Variants in BSDC1 observed in about 807,000 individuals in gnomAD.
BSDC1 encodes the protein BSD domain-containing protein 1.
In BSDC1, 29 loss-of-function variants were observed where a neutral mutation model predicts 56.0. That is an observed-to-expected ratio of 0.52 (90% CI 0.39 to 0.71). The LOEUF (loss-of-function observed/expected upper bound fraction) is 0.71, where lower values mean the gene tolerates loss of function less well. BSDC1 is among the 30% of genes least tolerant of loss of function. BSDC1 has a pLI of 0.00. For synonymous variants in BSDC1, 210 were observed against 215.3 expected (o/e 0.98, Z 0.21); for missense variants, 477 against 548.5 (o/e 0.87, Z 1.30).
At chr1:32,376,931 G>C (rs982296353) in intron 8 of BSDC1, among the ~76,000 whole-genome samples, 190 bp from the exon 9 acceptor site, 1 of 152,142 alleles carries the variant, frequency 6.6e-6, no homozygotes, top group African/African-American at 2.4e-5. Context: ...AGGAGTTTTT[G>C]AGACCAGCCT....
At chr1:32,386,298 G>C (rs776511538) in intron 3 of BSDC1, 1 of 132,666 alleles carries the variant, frequency 7.5e-6, no homozygotes, top group Admixed American at 9.0e-5. Context: ...CAGCCTGGGC[G>C]ACAGATGGAG....
chr1:32,371,640 A>C (rs1227236022), intron 9 of BSDC1, among the ~76,000 whole-genome samples: 2 of 151,968 alleles, frequency 1.3e-5, no homozygotes, highest in Admixed American at 1.3e-4. Context: ...ACCTTTAAAA[A>C]GAGTGGGTCC....
At chr1:32,382,703 A>T (rs1642525473) in intron 4 of BSDC1, among the ~76,000 whole-genome samples, 1 of 149,906 alleles carries the variant, frequency 6.7e-6, no homozygotes, top group Non-Finnish European at 1.5e-5. Context: ...GCTACAAAAA[A>T]AAAAAAAAAA....
chr1:32,368,663 CTT>C, intron 9 of BSDC1, 113 bp from the exon 10 acceptor site: 5 of 1,433,394 alleles, frequency 3.5e-6, no homozygotes, highest in Non-Finnish European at 4.7e-6. Context: ...ATACACAAGT[CTT>C]TACATTTTGT....
intron 2 of BSDC1, 120 bp downstream of exon 2, chr1:32,393,960 C>T: frequency 1.1e-6 from 1 of 930,706 alleles, no homozygotes; most frequent in Non-Finnish European, 1.6e-6. Flanking sequence ...AAGAAAGGCC[C>T]AGGTCAGCCT....
At chr1:32,377,715 A>G (rs1255969803) in intron 8 of BSDC1, among the ~76,000 whole-genome samples, 1 of 151,878 alleles carries the variant, frequency 6.6e-6, no homozygotes. Context: ...CCAGTGACTA[A>G]GCGGCAGCTG....
intron 8 of BSDC1, among the ~76,000 whole-genome samples, chr1:32,377,143 A>G (rs1293796939): frequency 6.6e-6 from 1 of 151,506 alleles, no homozygotes; most frequent in Non-Finnish European, 1.5e-5. Flanking sequence ...CTCAAAACGA[A>G]AAAAAAAAGA....
intron 2 of BSDC1, 96 bp downstream of exon 2, chr1:32,393,984 T>C: frequency 1.5e-6 from 2 of 1,304,042 alleles, no homozygotes; most frequent in African/African-American, 1.5e-5. Flanking sequence ...CCTTGAGACT[T>C]AGCGCCCGCA....
At chr1:32,380,157 T>C (rs1402729624) in intron 5 of BSDC1, among the ~76,000 whole-genome samples, 1 of 152,208 alleles carries the variant, frequency 6.6e-6, no homozygotes, top group Non-Finnish European at 1.5e-5. Flanking sequence ...TCCAACTGCC[T>C]GGTCTGGCAC....
chr1:32,368,700 C>CTTTT (rs112555694), intron 9 of BSDC1, 150 bp from the exon 10 acceptor site: 1 of 960,086 alleles, frequency 1.0e-6, no homozygotes, highest in South Asian at 2.1e-5. Flanking sequence ...ACCAATCGTA[C>CTTTT]TTTTTTTTTT....
At chr1:32,369,747 C>T (rs1642000863) in intron 9 of BSDC1, among the ~76,000 whole-genome samples, 1 of 152,212 alleles carries the variant, frequency 6.6e-6, no homozygotes, top group Non-Finnish European at 1.5e-5. Flanking sequence ...CCTACACTGA[C>T]CATCCTAGTT....
In BSDC1 at chr1:32,369,256, C is replaced by T. The variant is rs1219534974; in HGVS notation, c.1157-706G>A. ...TCGGAAAAGGCAGGTTACTAAAGAG[C>T]GGAGAAGCACTTTGGCCCAGAGGCT... On this transcript the variant is annotated intron_variant, in intron 9 of 10. Transcript: ENST00000455895. 46 of 1,289,404 alleles carry T rather than the reference C, an allele frequency of 3.6e-5. No homozygotes were observed. In the East Asian group the frequency reaches 6.7e-4, roughly 19 times the overall value. 79.9% of individuals were successfully genotyped at this position (1,289,404 alleles called of 1,614,324 possible).
chr1:32,387,631 C>T (rs1254602737), intron 2 of BSDC1, among the ~76,000 whole-genome samples: 2 of 152,158 alleles, frequency 1.3e-5, no homozygotes, highest in Non-Finnish European at 2.9e-5. Flanking sequence ...GTGAGCCACC[C>T]AGCCTAAGGC....
chr1:32,383,766 G>C (rs1316134727), intron 4 of BSDC1, 64 bp downstream of exon 4: 17 of 1,511,892 alleles, frequency 1.1e-5, no homozygotes, highest in Non-Finnish European at 1.4e-5. Context: ...TGTGAGTACA[G>C]GATGGAAGTT....
chr1:32,366,687 AC>A, intron 10 of BSDC1, 33 bp from the exon 11 acceptor site: 1 of 1,456,330 alleles, frequency 6.9e-7, no homozygotes, highest in Non-Finnish European at 9.1e-7. Flanking sequence ...GAAATCACAA[AC>A]ACATAGTTAC....
At chr1:32,374,943 G>A (rs1424992854) in intron 9 of BSDC1, among the ~76,000 whole-genome samples, 1 of 152,150 alleles carries the variant, frequency 6.6e-6, no homozygotes, top group Non-Finnish European at 1.5e-5. Flanking sequence ...ACAAGGTCAG[G>A]AGATCGAGAC....
intron 8 of BSDC1, among the ~76,000 whole-genome samples, chr1:32,377,610 AT>A: frequency 6.6e-6 from 1 of 152,304 alleles, no homozygotes; most frequent in South Asian, 2.1e-4. Flanking sequence ...GGGCATTAAT[AT>A]TACCAGGGAA....
At chr1:32,392,060 G>T (rs531923185) in intron 2 of BSDC1, among the ~76,000 whole-genome samples, 1 of 152,308 alleles carries the variant, frequency 6.6e-6, no homozygotes, top group African/African-American at 2.4e-5. Flanking sequence ...GGCCAGGCGT[G>T]GTGGCTCACA....
At position 32,364,801 on chromosome 1, in the gene BSDC1, G is replaced by C. The variant is rs1160518696; in HGVS notation, c.*1821C>G. On this transcript the variant is annotated 3_prime_UTR_variant, in exon 11 of 11. Coordinates refer to ENST00000455895, the MANE Select transcript of BSDC1 (RefSeq NM_018045.8). ...CCCAAGAATCATATACAAACAGGGGGAAGAGAGGATAAAAATGACCAAGAG... is the reference window on the plus strand; with the variant it reads ...CCCAAGAATCATATACAAACAGGGGCAAGAGAGGATAAAAATGACCAAGAG... Among the ~76,000 whole-genome samples, 1 of 152,208 alleles carries C rather than the reference G, an allele frequency of 6.6e-6. No homozygotes were observed. Among genetic ancestry groups the C allele is most frequent in the African/African-American group, 2.4e-5 (1 of 41,450 alleles).
Sources: gnomAD v4.1 joint callset for allele counts (sites outside exome capture counted in the v4.1 genomes callset) on GRCh38, gnomAD v4.1.1 for gene constraint, MANE v1.5 for transcripts, NCBI Gene and HGNC (gene_info 2026-07-23, HGNC 2026-07-21) for gene names.